Variants in XKR6 observed in about 807,000 individuals in gnomAD.
The protein encoded by XKR6 is XK-related protein 6.
Under a neutral mutation model 56.7 loss-of-function variants are expected in XKR6, and 22 were observed. The ratio of observed to expected loss-of-function variants is 0.39; its 90% CI spans 0.28 to 0.55. XKR6 has a LOEUF of 0.55. Ranked by LOEUF, XKR6 falls within the 20% of genes least tolerant of loss-of-function variation. The pLI is 0.66. For synonymous variants in XKR6, 524 were observed against 387.8 expected (o/e 1.35, Z -4.13); for missense variants, 852 against 889.0 (o/e 0.96, Z 0.53).
At chr8:10,973,929 A>T (rs1346800646) in intron 1 of XKR6, among the ~76,000 whole-genome samples, 1 of 152,214 alleles carries the variant, frequency 6.6e-6, no homozygotes, top group Non-Finnish European at 1.5e-5. Flanking sequence ...AGCACAGTGC[A>T]TAGATACTTT....
chr8:11,147,707 T>G (rs1801059491), intron 1 of XKR6, among the ~76,000 whole-genome samples: 1 of 149,784 alleles, frequency 6.7e-6, no homozygotes, highest in Non-Finnish European at 1.5e-5. Context: ...GAAAATATGC[T>G]CAACATCACA....
chr8:11,120,716 C>A (rs1440285083), intron 1 of XKR6, among the ~76,000 whole-genome samples: 2 of 152,110 alleles, frequency 1.3e-5, no homozygotes, highest in Non-Finnish European at 2.9e-5. Context: ...CAAAAAAGAG[C>A]CCGCATCGCC....
intron 1 of XKR6, among the ~76,000 whole-genome samples, chr8:11,112,080 A>G (rs772836362): frequency 6.6e-6 from 1 of 152,238 alleles, no homozygotes; most frequent in Non-Finnish European, 1.5e-5. Flanking sequence ...AAAGCAAAAT[A>G]AATATTACAC....
chr8:11,047,503 T>A (rs368358492), intron 1 of XKR6, among the ~76,000 whole-genome samples: 64 of 152,226 alleles, frequency 4.2e-4, no homozygotes, highest in African/African-American at 1.5e-3. Flanking sequence ...CCATTTTCCA[T>A]GAAAAAGAAA....
chr8:11,107,732 T>A (rs545513925), intron 1 of XKR6: 1 of 153,362 alleles, frequency 6.5e-6, no homozygotes, highest in African/African-American at 2.4e-5. Flanking sequence ...TCAGGCCAAG[T>A]GGACTGACCC....
At chr8:11,151,987 G>A (rs1801293524) in intron 1 of XKR6, among the ~76,000 whole-genome samples, 1 of 152,062 alleles carries the variant, frequency 6.6e-6, no homozygotes, top group East Asian at 1.9e-4. Flanking sequence ...GAGTCAAGAA[G>A]ATCACAAGAA....
In XKR6 at chr8:11,146,956, CCACA is replaced by C. The variant is rs1453810157; in HGVS notation, c.764+53616_764+53619del. ...CAGAAACAGAGTAGAATGGTAGTTGCCACAAGCTGGGGAAGAGGAAAATGGGGAG... is the reference window on the plus strand; with the variant it reads ...CAGAAACAGAGTAGAATGGTAGTTGCAGCTGGGGAAGAGGAAAATGGGGAG... On this transcript the variant is annotated intron_variant, in intron 1 of 2. Transcript: ENST00000416569. Among the ~76,000 whole-genome samples the C allele has an allele frequency of 5.9e-5, 9 of 151,962 alleles. No homozygotes were observed. In the East Asian group the frequency reaches 1.2e-3, roughly 20 times the overall value.
At chr8:10,966,133 A>G (rs1802215529) in intron 1 of XKR6, among the ~76,000 whole-genome samples, 1 of 152,236 alleles carries the variant, frequency 6.6e-6, no homozygotes, top group Non-Finnish European at 1.5e-5. Flanking sequence ...CGGTTCTCAA[A>G]CCTCGGGTAC....
chr8:10,897,861 G>A lies in XKR6; in HGVS notation c.*91C>T. 3.4e-6 allele frequency: 5 copies of A among 1,484,938 alleles called. No homozygotes were observed. Among genetic ancestry groups the A allele is most frequent in the East Asian group, 2.3e-5 (1 of 43,626 alleles). The allele number at this position is 1,484,938 out of a possible 1,614,324, so 92.0% of individuals were successfully genotyped here. A position where few individuals can be genotyped will look rare whatever the true frequency, so the allele number is the denominator to read the frequency against. On this transcript the variant is annotated 3_prime_UTR_variant, in exon 3 of 3. Coordinates refer to ENST00000416569, the MANE Select transcript of XKR6 (RefSeq NM_173683.4). Reference sequence around the variant, plus strand: ...TTGGTGGTGGTGGCGGTGGTTCTGTGTATTGGGGGAAGGGAGGGTTATATT... The same window carrying A: ...TTGGTGGTGGTGGCGGTGGTTCTGTATATTGGGGGAAGGGAGGGTTATATT...
chr8:11,170,252 A>T (rs1306332686), intron 1 of XKR6, among the ~76,000 whole-genome samples: 2 of 152,330 alleles, frequency 1.3e-5, no homozygotes, highest in South Asian at 4.2e-4. Flanking sequence ...CAGGAATTCT[A>T]GCAGCCTTAT....
intron 1 of XKR6, among the ~76,000 whole-genome samples, chr8:10,998,671 T>C (rs905645839): frequency 7.2e-5 from 11 of 152,152 alleles, no homozygotes; most frequent in Admixed American, 1.3e-4. Context: ...TCTCTCCAGG[T>C]CACCCAGCTA....
At chr8:11,149,077 G>C (rs996067235) in intron 1 of XKR6, among the ~76,000 whole-genome samples, 1 of 152,220 alleles carries the variant, frequency 6.6e-6, no homozygotes, top group Non-Finnish European at 1.5e-5. Flanking sequence ...CTGAATGTTT[G>C]TGTGCCCCCA....
At chr8:11,191,220 G>A (rs767843274) in intron 1 of XKR6, among the ~76,000 whole-genome samples, 6 of 152,126 alleles carry the variant, frequency 3.9e-5, no homozygotes, top group African/African-American at 7.2e-5. Flanking sequence ...AAACCTTAAA[G>A]GTTAGAATTA....
intron 1 of XKR6, among the ~76,000 whole-genome samples, chr8:11,119,636 T>C (rs184100826): frequency 1.4e-4 from 22 of 152,282 alleles, no homozygotes; most frequent in Non-Finnish European, 2.5e-4. Flanking sequence ...AACCCTGCCT[T>C]TTTTTTGTTT....
At chr8:11,066,734 C>G (rs1383760830) in intron 1 of XKR6, 1 of 152,228 alleles carries the variant, frequency 6.6e-6, no homozygotes, top group Admixed American at 6.5e-5. Flanking sequence ...TGGCCATTTT[C>G]TAGATGAGGC....
intron 1 of XKR6, among the ~76,000 whole-genome samples, chr8:10,996,282 G>C (rs938258166): frequency 2.6e-5 from 4 of 152,148 alleles, no homozygotes; most frequent in African/African-American, 9.7e-5. Flanking sequence ...CCCCTCAGCT[G>C]CATGTGAGCT....
At chr8:10,982,696 G>A (rs1327715965) in intron 1 of XKR6, among the ~76,000 whole-genome samples, 1 of 152,228 alleles carries the variant, frequency 6.6e-6, no homozygotes, top group Non-Finnish European at 1.5e-5. Context: ...ATCTGAAGCT[G>A]ATTTGTGGCC....
rs1414491758 is a variant in XKR6, at chr8:10,896,766, T to C, written c.*1186A>G. Reference sequence around the variant, plus strand: ...TATTCTAGTTTTCCTCTTTGTGTTATTTTTTTTTTTAAAAAAGCACAAATG... The same window carrying C: ...TATTCTAGTTTTCCTCTTTGTGTTACTTTTTTTTTTAAAAAAGCACAAATG... On this transcript the variant is annotated 3_prime_UTR_variant, in exon 3 of 3. Transcript: ENST00000416569. 1.2e-4 allele frequency: 4 copies of C among 34,524 alleles called. No individual in the cohort carries two copies. The highest frequency in any genetic ancestry group is 8.6e-4 in the East Asian group (4 of 4,642). 2.1% of individuals were successfully genotyped at this position (34,524 alleles called of 1,614,324 possible). A position where few individuals can be genotyped will look rare whatever the true frequency, so the allele number is the denominator to read the frequency against.
chr8:11,094,352 C>A (rs1563131978), intron 1 of XKR6, among the ~76,000 whole-genome samples: 1 of 152,050 alleles, frequency 6.6e-6, no homozygotes, highest in Non-Finnish European at 1.5e-5. Context: ...CCATGCCCAG[C>A]TAATGTTTTG....
Sources: allele counts gnomAD v4.1 joint callset (sites outside exome capture counted in the v4.1 genomes callset), GRCh38; gene constraint gnomAD v4.1.1; transcripts MANE v1.5; gene names NCBI Gene and HGNC (gene_info 2026-07-23, HGNC 2026-07-21).